BRD7: variants seen among roughly 807,000 people sequenced by gnomAD.
The protein encoded by BRD7 is bromodomain-containing protein 7.
Under a neutral mutation model 82.1 loss-of-function variants are expected in BRD7, and 15 were observed. That is an observed-to-expected ratio of 0.18 (90% CI 0.12 to 0.28). The LOEUF (loss-of-function observed/expected upper bound fraction) is 0.28. BRD7 is among the 10% of genes least tolerant of loss of function. The pLI, the probability that BRD7 is intolerant of heterozygous loss-of-function variation, is 1.00. For missense variants in BRD7, 638 were observed against 779.9 expected (o/e 0.82, Z 2.17); for synonymous variants, 232 against 266.9 (o/e 0.87, Z 1.27).
Position 50,323,717 on chromosome 16 carries a change from A to C in BRD7, c.1332-19T>G. The C allele has an allele frequency of 1.3e-6, 2 of 1,581,510 alleles. No individual in the cohort carries two copies. The highest frequency in any genetic ancestry group is 1.3e-5 in the African/African-American group (1 of 74,282). ...ATGGATGCTGCAAGAGACAGTTAGG[A>C]AAGTCTCACATAAATCACCTCCACT... On this transcript the variant is annotated intron_variant, in intron 11 of 16. Coordinates refer to ENST00000394688, the MANE Select transcript of BRD7 (RefSeq NM_013263.5).
chr16:50,334,380 G>A (rs1461446178), intron 7 of BRD7, among the ~76,000 whole-genome samples: 1 of 152,170 alleles, frequency 6.6e-6, no homozygotes, highest in Admixed American at 6.5e-5. Context: ...ATGGAAGGAG[G>A]TAATGACTAT....
intron 5 of BRD7, among the ~76,000 whole-genome samples, chr16:50,346,419 C>T (rs1328388143): frequency 6.6e-6 from 1 of 152,026 alleles, no homozygotes; most frequent in Admixed American, 6.5e-5. Flanking sequence ...TAACTAAGAT[C>T]AGAGCAGAAC....
intron 4 of BRD7, among the ~76,000 whole-genome samples, chr16:50,350,863 A>G (rs568189915): frequency 6.6e-6 from 1 of 152,336 alleles, no homozygotes; most frequent in South Asian, 2.1e-4. Flanking sequence ...AGCGGGAGGA[A>G]GACTCAGCCT....
rs1235913175 is a variant in BRD7 at position 50,368,265 on chromosome 16, T to C, written c.83A>G (p.Lys28Arg). The C allele has an allele frequency of 5.0e-6, 8 of 1,613,922 alleles. No individual in the cohort carries two copies. The African/African-American group carries it at 6.7e-5, about 13-fold the overall frequency. Residue 28 changes from lysine to arginine, a missense_variant, in exon 2 of 17, where the codon AAA becomes AGA. By Grantham distance (26) the Lys-to-Arg change is conservative. Around this residue, in one of 3 missense-constraint regions of BRD7, gnomAD observed 172 missense variants for 155.3 expected, o/e 1.11. Coordinates refer to ENST00000394688, the MANE Select transcript of BRD7 (RefSeq NM_013263.5). ...YVEKPLKLVL[K>R]VGGNEVTELS... ...TTCGGTGACTTCGTTCCCTCCTACT[T>C]TGAGGACCAGCTTCAAGGGCTTCTC...
At position 50,328,663 on chromosome 16, in the gene BRD7, T is replaced by A; in HGVS notation, c.1087+6A>T. 1.9e-6 allele frequency: 3 copies of A among 1,612,204 alleles called. No homozygotes were observed. Among genetic ancestry groups the A allele is most frequent in the Non-Finnish European group, 1.7e-6 (2 of 1,179,310 alleles). On this transcript the variant is annotated splice_donor_region_variant and intron_variant, in intron 9 of 16. Coordinates refer to ENST00000394688, the MANE Select transcript of BRD7 (RefSeq NM_013263.5). ...AAGTTCATGCACAGTTTTACTCTGATCCTACCTCCTACAATGGGATCCACA... is the reference window on the plus strand; with the variant it reads ...AAGTTCATGCACAGTTTTACTCTGAACCTACCTCCTACAATGGGATCCACA...
At chr16:50,336,307 TAGAA>T (rs773350875) in intron 6 of BRD7, among the ~76,000 whole-genome samples, 44 of 152,202 alleles carry the variant, frequency 2.9e-4, no homozygotes, top group Non-Finnish European at 5.0e-4. Context: ...GATAAACTCT[TAGAA>T]AGGAAACAAA....
chr16:50,335,813 C>G (rs2037773073), intron 6 of BRD7, among the ~76,000 whole-genome samples: 1 of 152,334 alleles, frequency 6.6e-6, no homozygotes, highest in Admixed American at 6.5e-5. Context: ...TTGGGCCTTT[C>G]CTCATCACAC....
At chr16:50,337,683 G>GT (rs1038118295) in intron 6 of BRD7, among the ~76,000 whole-genome samples, 1 of 152,136 alleles carries the variant, frequency 6.6e-6, no homozygotes. Context: ...AGTTATCTTT[G>GT]AAAAGACACC....
chr16:50,352,255 G>A (rs2038556789), intron 4 of BRD7, among the ~76,000 whole-genome samples: 1 of 152,206 alleles, frequency 6.6e-6, no homozygotes, highest in Admixed American at 6.5e-5. Flanking sequence ...AAAGGAACAT[G>A]AAAACCCAAT....
chr16:50,319,322 G>T, intron 16 of BRD7, 56 bp from the exon 17 acceptor site: 1 of 1,563,098 alleles, frequency 6.4e-7, no homozygotes, highest in South Asian at 1.1e-5. Context: ...TAATTAAAAA[G>T]GGGACATGAA....
chr16:50,336,414 A>G (rs1346696738), intron 6 of BRD7, among the ~76,000 whole-genome samples: 1 of 152,212 alleles, frequency 6.6e-6, no homozygotes, highest in African/African-American at 2.4e-5. Flanking sequence ...TTAGTGTTTG[A>G]AAGTTTCTCT....
Position 50,334,727 on chromosome 16 carries a change from T to C in BRD7, c.871A>G (p.Ser291Gly), listed in dbSNP as rs200218240. 574 of 1,613,486 alleles carry C rather than the reference T, an allele frequency of 3.6e-4. 2 individuals are homozygous for C. The highest frequency in any genetic ancestry group is 3.8e-4 in the Non-Finnish European group (454 of 1,179,800). The change falls in exon 7 of 17, where the codon AGC becomes GGC. Residue 291 changes from serine to glycine, a missense_variant. Physicochemically the swap from Ser to Gly is moderately conservative, Grantham distance 56 (BLOSUM62 0). Coordinates refer to ENST00000394688, the MANE Select transcript of BRD7 (RefSeq NM_013263.5). ...DAEAHAFKSP[S>G]KENKKKDKDM... is the part of the protein sequence containing the mutation. ...ATCTTTTACTTTTTATTTTCTTTGC[T>C]GGGACTCTTGAAGGCGTGTGCTTCG...
In BRD7 at chr16:50,320,329, C is replaced by A; in HGVS notation, c.1675G>T (p.Ala559Ser). Residue 559 changes from alanine to serine, a missense_variant, in exon 15 of 17, where the codon GCC (alanine) becomes TCC (serine). This residue lies in a region of BRD7 where 402 missense variants were observed against 500.8 expected (regional missense o/e 0.80). Coordinates refer to ENST00000394688, the MANE Select transcript of BRD7 (RefSeq NM_013263.5). ...TTRLLRELQE[A>S]QNERLSTRPP... Reference sequence around the variant, plus strand: ...CTGGTGCTCAAACGTTCATTCTGGGCTTCCTGGAGTTCCCTGAGCAATCTG... The same window carrying A: ...CTGGTGCTCAAACGTTCATTCTGGGATTCCTGGAGTTCCCTGAGCAATCTG... 6.2e-7 allele frequency: 1 copy of A among 1,614,160 alleles called. No individual in the cohort carries two copies. The highest frequency in any genetic ancestry group is 8.5e-7 in the Non-Finnish European group (1 of 1,180,026).
Position 50,368,806 on chromosome 16 carries a change from G to T in BRD7, c.-32C>A. 4 of 1,506,030 alleles carry T rather than the reference G, an allele frequency of 2.7e-6. No homozygotes were observed. The highest frequency in any genetic ancestry group is 3.6e-6 in the Non-Finnish European group (4 of 1,124,530). The allele number at this position is 1,506,030 out of a possible 1,614,324, so 93.3% of individuals were successfully genotyped here. ...CCGGGCCCCGGTGCCCGCCCCCCGC[G>T]CCAGGCCCAGGCCGTGCGGCGCCGC... On this transcript the variant is annotated 5_prime_UTR_variant, in exon 1 of 17. Transcript: ENST00000394688.
chr16:50,340,996 G>A (rs2038023908), intron 5 of BRD7, among the ~76,000 whole-genome samples: 1 of 152,086 alleles, frequency 6.6e-6, no homozygotes, highest in Non-Finnish European at 1.5e-5. Context: ...CACTTAAATA[G>A]AACAAAAATA....
rs139978049 is a variant in BRD7, at chr16:50,326,611, C to G, written c.1088-220G>C. Among the ~76,000 whole-genome samples, 16 of 152,332 alleles carry G rather than the reference C, an allele frequency of 1.1e-4. No homozygotes were observed. In the East Asian group the frequency reaches 3.1e-3, roughly 29 times the overall value. On this transcript the variant is annotated intron_variant, in intron 9 of 16. Coordinates refer to ENST00000394688, the MANE Select transcript of BRD7 (RefSeq NM_013263.5). ...CAGACCTGTTCATTACACTCTCCTGCTTCCTGGAATTCTTTATAATCATGT... is the reference window on the plus strand; with the variant it reads ...CAGACCTGTTCATTACACTCTCCTGGTTCCTGGAATTCTTTATAATCATGT...
intron 12 of BRD7, 45 bp from the exon 13 acceptor site, chr16:50,322,083 G>A (rs757254416): frequency 1.4e-6 from 2 of 1,477,150 alleles, no homozygotes; most frequent in Non-Finnish European, 1.8e-6. Flanking sequence ...ACACATGAAG[G>A]CGAATATCAA....
At chr16:50,340,478 A>G (rs1478741570) in intron 5 of BRD7, among the ~76,000 whole-genome samples, 1 of 152,222 alleles carries the variant, frequency 6.6e-6, no homozygotes, top group African/African-American at 2.4e-5. Context: ...TATTACTCCT[A>G]GCTTTAAAAC....
chr16:50,341,767 C>T (rs1275167024), intron 5 of BRD7, among the ~76,000 whole-genome samples: 1 of 151,168 alleles, frequency 6.6e-6, no homozygotes, highest in East Asian at 1.9e-4. Context: ...AGATAATGGG[C>T]CTATGAACTG....
Sources: gnomAD v4.1 joint callset for allele counts (sites outside exome capture counted in the v4.1 genomes callset) on GRCh38, gnomAD v4.1.1 for gene constraint, gnomAD v4.1.1 regional missense constraint, MANE v1.5 for transcripts, NCBI Gene and HGNC (gene_info 2026-07-23, HGNC 2026-07-21) for gene names.